OR51B5: variants seen among roughly 807,000 people sequenced by gnomAD.
OR51B5 encodes olfactory receptor family 51 subfamily B member 5.
For synonymous variants in OR51B5, 186 were observed against 144.8 expected (o/e 1.28, Z -2.04); for missense variants, 456 against 374.6 (o/e 1.22, Z -1.79).
intron 1 of OR51B5, among the ~76,000 whole-genome samples, chr11:5,475,689 A>T (rs1851294887): frequency 6.6e-6 from 1 of 152,154 alleles, no homozygotes; most frequent in South Asian, 2.1e-4. Context: ...TTATTATGTA[A>T]ATTCCATGAA....
upstream of OR51B5, among the ~76,000 whole-genome samples, chr11:5,348,141 G>A (rs929420785): frequency 6.6e-6 from 1 of 152,100 alleles, no homozygotes; most frequent in Non-Finnish European, 1.5e-5. Flanking sequence ...GTAGGCATGG[G>A]TCCTAAAGAC....
At chr11:5,399,516 C>A (rs896361582) in intron 1 of OR51B5, among the ~76,000 whole-genome samples, 2 of 152,142 alleles carry the variant, frequency 1.3e-5, no homozygotes, top group Non-Finnish European at 2.9e-5. Context: ...ACATAAGATT[C>A]ACCTCCAATT....
At chr11:5,483,543 G>A (rs1208645525) in intron 1 of OR51B5, among the ~76,000 whole-genome samples, 2 of 133,072 alleles carry the variant, frequency 1.5e-5, no homozygotes, top group Non-Finnish European at 3.1e-5. Context: ...AGAAAGAGTA[G>A]AAAGTACAGC....
chr11:5,373,177 AC>A (rs530346228), intron 1 of OR51B5, among the ~76,000 whole-genome samples: 6,940 of 152,308 alleles, frequency 0.046, 224 homozygotes, highest in South Asian at 0.096. Flanking sequence ...TAGATTAAAG[AC>A]ATAAATGTAA....
At chr11:5,505,150 C>A (rs755117364) in intron 1 of OR51B5, among the ~76,000 whole-genome samples, 17 of 152,188 alleles carry the variant, frequency 1.1e-4, no homozygotes, top group Non-Finnish European at 2.4e-4. Context: ...TTTCCTCAGA[C>A]CCACCTGGCC....
intron 1 of OR51B5, among the ~76,000 whole-genome samples, chr11:5,477,731 G>T (rs892658634): frequency 2.8e-4 from 42 of 152,228 alleles, no homozygotes; most frequent in Middle Eastern, 3.4e-3. Context: ...TTCCCTTTCC[G>T]AGTCAAAGAA....
At chr11:5,340,661 A>G (rs1040466393), downstream of OR51B5, 3 of 152,320 alleles carry the variant, frequency 2.0e-5, no homozygotes, top group Admixed American at 2.0e-4. Context: ...ACAAGGCAAA[A>G]AGTAGAAGCC....
chr11:5,441,214 C>A (rs372998267), intron 1 of OR51B5: 1 of 1,613,786 alleles, frequency 6.2e-7, no homozygotes, highest in Non-Finnish European at 8.5e-7. Flanking sequence ...AACATCTGGA[C>A]CAGGCAAGCA....
chr11:5,394,045 G>C (rs942947739), intron 1 of OR51B5, among the ~76,000 whole-genome samples: 1 of 151,940 alleles, frequency 6.6e-6, no homozygotes, highest in Non-Finnish European at 1.5e-5. Flanking sequence ...ACAGAAAACA[G>C]TAACATAAAA....
At chr11:5,468,570 T>C (rs1851174377) in intron 1 of OR51B5, 1 of 429,766 alleles carries the variant, frequency 2.3e-6, no homozygotes, top group African/African-American at 2.0e-5. Flanking sequence ...GGTAGAGCAT[T>C]GGAGGTACAA....
chr11:5,381,824 C>T (rs1172213801), intron 1 of OR51B5, among the ~76,000 whole-genome samples: 1 of 152,056 alleles, frequency 6.6e-6, no homozygotes, highest in Non-Finnish European at 1.5e-5. Flanking sequence ...ACTGGTCCTT[C>T]AATTATATAA....
chr11:5,457,025 T>C (rs566678092), intron 1 of OR51B5, among the ~76,000 whole-genome samples: 1 of 152,316 alleles, frequency 6.6e-6, no homozygotes, highest in Admixed American at 6.5e-5. Context: ...TATGCCAGCA[T>C]CATGCTTCCC....
chr11:5,433,500 C>A (rs1217096809), intron 1 of OR51B5, among the ~76,000 whole-genome samples: 2 of 152,110 alleles, frequency 1.3e-5, no homozygotes, highest in Admixed American at 6.6e-5. Context: ...CCTCTGGTTA[C>A]CCAGTGTTGA....
At chr11:5,485,603 A>AC (rs2133811244) in intron 1 of OR51B5, among the ~76,000 whole-genome samples, 1 of 152,090 alleles carries the variant, frequency 6.6e-6, no homozygotes, top group East Asian at 1.9e-4. Flanking sequence ...TGCTCCTTGC[A>AC]CCCCCACTTC....
At position 5,418,405 on chromosome 11, in the gene OR51B5, T is replaced by C. The variant is rs565254901; in HGVS notation, n.85-71495A>G. ...ATGTACCCTAAAACTTAAAGTATAA[T>C]AATAATAAAAACAAAACAAAACAAA... On this transcript the variant is annotated intron_variant and non_coding_transcript_variant, in intron 1 of 4. Coordinates refer to the OR51B5 transcript ENST00000415970. Among the ~76,000 whole-genome samples the C allele has an allele frequency of 7.2e-5, 10 of 138,906 alleles. No homozygotes were observed. In the South Asian group the frequency reaches 2.4e-3, roughly 33 times the overall value. The allele number at this position is 138,906 out of a possible 152,430, so 91.1% of individuals were successfully genotyped here. A position where few individuals can be genotyped will look rare whatever the true frequency, so the allele number is the denominator to read the frequency against.
chr11:5,351,706 A>G, intron 1 of OR51B5: 10 of 1,614,086 alleles, frequency 6.2e-6, no homozygotes, highest in South Asian at 1.1e-5. Flanking sequence ...GTTGGCAGCT[A>G]CAGACCTCGG....
In OR51B5 at chr11:5,351,989, T is replaced by A. The variant is rs149588632; in HGVS notation, n.85-5079A>T. 156 of 1,613,520 alleles carry A rather than the reference T, an allele frequency of 9.7e-5. 1 individual carries two copies. The highest frequency in any genetic ancestry group is 1.7e-4 in the Admixed American group (10 of 60,016). On this transcript the variant is annotated intron_variant and non_coding_transcript_variant, in intron 1 of 4. Coordinates refer to the OR51B5 transcript ENST00000415970. The stretch of plus-strand genomic sequence containing the variant: ...TCCATTATGCCAATAGTTGTTCGCC[T>A]ACACTGGTTTCCCTACTGTCGATCC...
Position 5,356,730 on chromosome 11 carries a change from G to C in OR51B5, n.85-9820C>G, listed in dbSNP as rs971365228. ...AATGTTAAGGGTAGCCAGAGAGAAAGGTCGGGTTACCCACAAAGGGAAGCC... is the reference window on the plus strand; with the variant it reads ...AATGTTAAGGGTAGCCAGAGAGAAACGTCGGGTTACCCACAAAGGGAAGCC... On this transcript the variant is annotated intron_variant and non_coding_transcript_variant, in intron 1 of 4. Transcript: ENST00000415970. Among the ~76,000 whole-genome samples, 40 of 125,190 alleles carry C rather than the reference G, an allele frequency of 3.2e-4. 7 individuals carry two copies. Among genetic ancestry groups the C allele is most frequent in the Non-Finnish European group, 5.6e-4 (31 of 55,838 alleles). 82.1% of individuals were successfully genotyped at this position (125,190 alleles called of 152,430 possible). A position where few individuals can be genotyped will look rare whatever the true frequency, so the allele number is the denominator to read the frequency against.
chr11:5,414,398 C>T (rs28810490), intron 1 of OR51B5, among the ~76,000 whole-genome samples: 16,713 of 146,340 alleles, frequency 0.11, 1,141 homozygotes, highest in East Asian at 0.25. Context: ...AACCAGCTAA[C>T]ATCATAATGA....
Sources: gnomAD v4.1 joint callset for allele counts (sites outside exome capture counted in the v4.1 genomes callset) on GRCh38, gnomAD v4.1.1 for gene constraint, MANE v1.5 for transcripts, NCBI Gene and HGNC (gene_info 2026-07-23, HGNC 2026-07-21) for gene names.